The following CSMD2 variants were observed in gnomAD, a reference collection of about 807,000 sequenced individuals.
CSMD2 encodes CUB and sushi domain-containing protein 2.
Under a neutral mutation model 398.5 loss-of-function variants are expected in CSMD2, and 130 were observed. That is an observed-to-expected ratio of 0.33 (90% confidence interval 0.28 to 0.38). The LOEUF is 0.38. CSMD2 is among the 10% of genes least tolerant of loss of function. The pLI, the probability that CSMD2 is intolerant of heterozygous loss-of-function variation, is 1.00. For synonymous variants in CSMD2, 1,828 were observed against 1,908.5 expected (o/e 0.96, Z 1.10); for missense variants, 3,829 against 4,764.9 (o/e 0.80, Z 5.78).
chr1:33,864,816 G>T, intron 5 of CSMD2: 1 of 1,379,084 alleles, frequency 7.3e-7, no homozygotes, highest in South Asian at 1.4e-5. Flanking sequence ...TCTCATGTGT[G>T]GCATTAGAGT....
chr1:33,583,598 A>C, intron 47 of CSMD2, 44 bp downstream of exon 47: 1 of 1,582,468 alleles, frequency 6.3e-7, no homozygotes, highest in Non-Finnish European at 8.6e-7. Context: ...GAGCAAGTCC[A>C]TGTCTTCTGC....
chr1:33,646,886 T>A (rs756338682), intron 28 of CSMD2, 51 bp from the exon 29 acceptor site: 48 of 1,539,480 alleles, frequency 3.1e-5, no homozygotes, highest in Non-Finnish European at 4.2e-5. Context: ...AAATAAAGGC[T>A]TTTGCCGGGG....
Position 33,557,787 on chromosome 1 carries a change from A to C in CSMD2, c.8690T>G (p.Val2897Gly), listed in dbSNP as rs1658171689. 1.2e-5 allele frequency: 18 copies of C among 1,535,976 alleles called. No individual in the cohort carries two copies. The East Asian group carries it at 4.4e-4, about 38-fold the overall frequency. The change falls in exon 55 of 71, where the codon GTG (valine) becomes GGG (glycine). Residue 2897 changes from valine (V) to glycine (G), a missense_variant. Physicochemically the swap from Val to Gly is moderately radical, Grantham distance 109 (BLOSUM62 -3). Coordinates refer to ENST00000373381, the MANE Select transcript of CSMD2 (RefSeq NM_001281956.2). ...TGTGCCATCTCCCTGGCAGCTGAGC[A>C]CTGGGGTGCCCAGGAGGTAGAAGCC... ...NHGFYLLGTPVLSCQGDGTWD... is the reference protein window; with the variant it reads ...NHGFYLLGTPGLSCQGDGTWD...
intron 1 of CSMD2, among the ~76,000 whole-genome samples, chr1:34,093,548 C>A (rs1658905627): frequency 6.6e-6 from 1 of 151,704 alleles, no homozygotes; most frequent in Non-Finnish European, 1.5e-5. Context: ...ATAACCAATA[C>A]AGAGAAGTGC....
rs1482383600 is a variant in CSMD2, at chr1:33,623,434, G to A, written c.5658C>T (p.Asn1886=). 1.9e-6 allele frequency: 3 copies of A among 1,614,030 alleles called. No homozygotes were observed. In the Admixed American group the frequency reaches 5.0e-5, roughly 27 times the overall value. The change falls in exon 36 of 71, where the codon AAC becomes AAT. Residue 1886 remains asparagine, a synonymous_variant. Coordinates refer to ENST00000373381, the MANE Select transcript of CSMD2 (RefSeq NM_001281956.2). The part of the protein sequence containing the change: ...IQVVSFVTEQ[N]WDSLEVFDGA... ...CATCAAATACTTCCAGCGAGTCCCA[G>A]TTCTGCTCTGTCACAAAACTGACAA...
chr1:33,530,224 A>G (rs1655115616), intron 64 of CSMD2, among the ~76,000 whole-genome samples: 1 of 152,206 alleles, frequency 6.6e-6, no homozygotes, highest in Non-Finnish European at 1.5e-5. Context: ...GAACATATAG[A>G]AGGAACTAAA....
chr1:34,001,854 C>T (rs1646914786), intron 3 of CSMD2, among the ~76,000 whole-genome samples: 2 of 152,270 alleles, frequency 1.3e-5, no homozygotes, highest in South Asian at 2.1e-4. Flanking sequence ...TATACATGCG[C>T]TAACCTCCTC....
At chr1:33,943,151 A>G (rs894013777) in intron 3 of CSMD2, among the ~76,000 whole-genome samples, 1 of 152,202 alleles carries the variant, frequency 6.6e-6, no homozygotes, top group Non-Finnish European at 1.5e-5. Flanking sequence ...CTCTCATGAG[A>G]ATACATAATA....
intron 5 of CSMD2, among the ~76,000 whole-genome samples, chr1:33,856,771 T>A (rs1639126198): frequency 6.6e-6 from 1 of 152,018 alleles, no homozygotes; most frequent in South Asian, 2.1e-4. Flanking sequence ...CTAAGGCTAG[T>A]GAGCAAGTGG....
At chr1:34,038,145 G>A (rs544466259) in intron 2 of CSMD2, among the ~76,000 whole-genome samples, 3 of 152,224 alleles carry the variant, frequency 2.0e-5, no homozygotes, top group African/African-American at 7.2e-5. Context: ...TTTTAGACAC[G>A]CTGAAGACCC....
chr1:33,733,353 G>A (rs1280677767), intron 15 of CSMD2, among the ~76,000 whole-genome samples: 1 of 152,166 alleles, frequency 6.6e-6, no homozygotes, highest in East Asian at 1.9e-4. Flanking sequence ...GACCTCACTT[G>A]GAGGTTAAAA....
chr1:33,782,150 T>C (rs537183516), intron 12 of CSMD2, among the ~76,000 whole-genome samples: 1 of 152,216 alleles, frequency 6.6e-6, no homozygotes, highest in East Asian at 1.9e-4. Flanking sequence ...GGATGCCTTA[T>C]GCCATCCTAC....
chr1:33,996,085 G>A lies in CSMD2; in HGVS notation c.517+36509C>T, dbSNP rs79789454. On this transcript the variant is annotated intron_variant, in intron 3 of 70. Coordinates refer to ENST00000373381, the MANE Select transcript of CSMD2 (RefSeq NM_001281956.2). ...CTGCAAATTACTGAAAAAAGGAAAA[G>A]AAATTCAAATGACCTATGAAAATGG... Among the ~76,000 whole-genome samples the A allele has an allele frequency of 9.5e-3, 1,444 of 152,330 alleles. 13 individuals carry two copies. Among genetic ancestry groups the A allele is most frequent in the Non-Finnish European group, 0.014 (969 of 68,020 alleles).
At chr1:33,770,566 C>G (rs1032316120) in intron 13 of CSMD2, among the ~76,000 whole-genome samples, 9 of 152,256 alleles carry the variant, frequency 5.9e-5, no homozygotes, top group African/African-American at 1.7e-4. Context: ...TGGAAGCCAG[C>G]ATCCCTGAGA....
intron 13 of CSMD2, among the ~76,000 whole-genome samples, chr1:33,754,044 A>G (rs1648639312): frequency 6.6e-6 from 1 of 152,184 alleles, no homozygotes; most frequent in Non-Finnish European, 1.5e-5. Flanking sequence ...ATGCTGGAAT[A>G]AGTTAAGACT....
intron 3 of CSMD2, among the ~76,000 whole-genome samples, chr1:33,969,559 T>C (rs1269422565): frequency 6.6e-6 from 1 of 152,234 alleles, no homozygotes; most frequent in Non-Finnish European, 1.5e-5. Flanking sequence ...GGACCCTACC[T>C]GCAGCCTTGT....
Position 34,067,562 on chromosome 1 carries a change from G to A in CSMD2, c.404+21415C>T, listed in dbSNP as rs571556201. ...TCAGGGATTATCCTGACTAGTCCATGAGCCAGTAGCACCAGCATCACCTGT... is the reference window on the plus strand; with the variant it reads ...TCAGGGATTATCCTGACTAGTCCATAAGCCAGTAGCACCAGCATCACCTGT... On this transcript the variant is annotated intron_variant, in intron 2 of 70. Coordinates refer to ENST00000373381, the MANE Select transcript of CSMD2 (RefSeq NM_001281956.2). Among the ~76,000 whole-genome samples the A allele has an allele frequency of 9.9e-5, 15 of 152,264 alleles. No individual in the cohort carries two copies. In the South Asian group the frequency reaches 3.1e-3, roughly 32 times the overall value.
intron 62 of CSMD2, among the ~76,000 whole-genome samples, chr1:33,534,291 T>C (rs1225619854): frequency 3.9e-5 from 6 of 152,240 alleles, no homozygotes; most frequent in African/African-American, 1.2e-4. Context: ...CACACTGGAA[T>C]GTTGTGACAC....
At chr1:33,690,832 A>G (rs1468289098) in intron 25 of CSMD2, among the ~76,000 whole-genome samples, 26 of 152,240 alleles carry the variant, frequency 1.7e-4, no homozygotes, top group Admixed American at 1.7e-3. Context: ...ACTTGCAAAG[A>G]TGAATCAGGC....
Sources: allele counts gnomAD v4.1 joint callset (sites outside exome capture counted in the v4.1 genomes callset), GRCh38; gene constraint gnomAD v4.1.1; transcripts MANE v1.5; gene names NCBI Gene and HGNC (gene_info 2026-07-23, HGNC 2026-07-21).